Variants in MYO6 observed in about 807,000 individuals in gnomAD.
The protein encoded by MYO6 is unconventional myosin-VI.
A neutral mutation model predicts 178.7 loss-of-function variants in MYO6; 74 were observed. That is an observed-to-expected ratio of 0.41 (90% CI 0.34 to 0.50). The LOEUF (loss-of-function observed/expected upper bound fraction) is 0.50. MYO6 is among the 20% of genes least tolerant of loss of function. The probability of loss-of-function intolerance (pLI) is 0.09; values close to 1 mark genes in which losing one functional copy is unlikely to be tolerated. For synonymous variants in MYO6, 477 were observed against 504.6 expected (o/e 0.95, Z 0.73); for missense variants, 1,330 against 1,547.4 (o/e 0.86, Z 2.36).
rs950765065 is a variant in MYO6 at position 75,914,143 on chromosome 6, C to T, written c.3520C>T (p.Pro1174Ser). Reference sequence around the variant, plus strand: ...CCGACAGCAACGCTTCTTCCGCATCCCATTCATCCGCCCTGCCGACCAGTA... The same window carrying T: ...CCGACAGCAACGCTTCTTCCGCATCTCATTCATCCGCCCTGCCGACCAGTA... ...MNRQQRFFRIPFIRPADQYKD... is the reference protein window; with the variant it reads ...MNRQQRFFRISFIRPADQYKD... The change falls in exon 34 of 35, where the codon CCA (proline) becomes TCA (serine). Residue 1174 changes from proline to serine, a missense_variant. Pro to Ser is a moderately conservative substitution (Grantham distance 74). Coordinates refer to ENST00000369977, the MANE Select transcript of MYO6 (RefSeq NM_004999.4). The T allele has an allele frequency of 6.2e-7, 1 of 1,614,084 alleles. No homozygotes were observed. Among genetic ancestry groups the T allele is most frequent in the Admixed American group, 1.7e-5 (1 of 60,004 alleles).
At chr6:75,831,847 G>A (rs1456586375) in intron 5 of MYO6, among the ~76,000 whole-genome samples, 1 of 150,280 alleles carries the variant, frequency 6.7e-6, no homozygotes, top group Non-Finnish European at 1.5e-5. Context: ...GTGAAGTCAT[G>A]CCACTATACT....
At position 75,862,579 on chromosome 6, in the gene MYO6, T is replaced by C; in HGVS notation, c.1547-17T>C. On this transcript the variant is annotated splice_polypyrimidine_tract_variant and intron_variant, in intron 15 of 34. Transcript: ENST00000369977. Reference sequence around the variant, plus strand: ...ATGTTTTTACACTATTGTGAGTGTTTTCATTTTTTGAAATAGATTTAATTG... The same window carrying C: ...ATGTTTTTACACTATTGTGAGTGTTCTCATTTTTTGAAATAGATTTAATTG... The C allele has an allele frequency of 1.2e-6, 2 of 1,605,014 alleles. No homozygotes were observed. The highest frequency in any genetic ancestry group is 1.7e-6 in the Non-Finnish European group (2 of 1,171,950).
chr6:75,832,729 A>G (rs1444688866), intron 5 of MYO6, 113 bp from the exon 6 acceptor site: 2 of 678,646 alleles, frequency 2.9e-6, no homozygotes, highest in Admixed American at 2.3e-5. Flanking sequence ...TTTCATTAAC[A>G]TTGAATAGAC....
rs751224918 is a variant in MYO6, at chr6:75,879,842, G to A, written c.2100G>A (p.Leu700=). Residue 700 remains leucine (L), a synonymous_variant, in exon 21 of 35, where the codon TTG becomes TTA. Transcript: ENST00000369977. ...TAGGGATGGTGTCTGTTTTGGACTT[G>A]ATGCAGGGTGGTTACCCATCACGAG... The part of the protein sequence containing the change: ...QCSGMVSVLD[L]MQGGYPSRAS... 1.2e-6 allele frequency: 2 copies of A among 1,614,064 alleles called. No individual in the cohort carries two copies. The highest frequency in any genetic ancestry group is 2.2e-5 in the South Asian group (2 of 91,070).
chr6:75,800,654 A>G (rs1769359681), intron 1 of MYO6, among the ~76,000 whole-genome samples: 2 of 152,178 alleles, frequency 1.3e-5, no homozygotes, highest in South Asian at 4.1e-4. Context: ...AAGTAGTGAT[A>G]TTGAATAGGC....
At chr6:75,796,539 G>A (rs565733048) in intron 1 of MYO6, among the ~76,000 whole-genome samples, 1 of 152,102 alleles carries the variant, frequency 6.6e-6, no homozygotes, top group South Asian at 2.1e-4. Flanking sequence ...TCACTCAGGT[G>A]GTGAGGACAG....
intron 2 of MYO6, among the ~76,000 whole-genome samples, chr6:75,818,151 TATC>T (rs1243781322): frequency 6.6e-6 from 1 of 152,222 alleles, no homozygotes; most frequent in African/African-American, 2.4e-5. Context: ...AAATTATTGC[TATC>T]ATTTTTGTAA....
At position 75,914,189 on chromosome 6, in the gene MYO6, A is replaced by G; in HGVS notation, c.3566A>G (p.Lys1189Arg). Residue 1189 changes from lysine to arginine, a missense_variant, in exon 34 of 35, where the codon AAA becomes AGA. Lys to Arg is a conservative substitution (Grantham distance 26). Transcript: ENST00000369977. ...ADQYKDPQSK[K>R]KGWWYAHFDG... Reference sequence around the variant, plus strand: ...CAGTACAAAGACCCTCAGAGTAAGAAAAAAGGCTGGTGGTATGCCCATTTT... The same window carrying G: ...CAGTACAAAGACCCTCAGAGTAAGAGAAAAGGCTGGTGGTATGCCCATTTT... 6.2e-7 allele frequency: 1 copy of G among 1,614,166 alleles called. No homozygotes were observed. Among genetic ancestry groups the G allele is most frequent in the East Asian group, 2.2e-5 (1 of 44,882 alleles).
chr6:75,845,535 A>G (rs1356010347), intron 10 of MYO6, among the ~76,000 whole-genome samples: 1 of 152,006 alleles, frequency 6.6e-6, no homozygotes, highest in African/African-American at 2.4e-5. Context: ...TTTACAAAAA[A>G]TAAAAAAAAT....
chr6:75,815,667 C>G (rs1195201700), intron 1 of MYO6, among the ~76,000 whole-genome samples: 1 of 152,178 alleles, frequency 6.6e-6, no homozygotes, highest in Non-Finnish European at 1.5e-5. Context: ...CACTTTGTAG[C>G]CACTGCATAG....
At chr6:75,757,224 TATAC>T (rs375186634) in intron 1 of MYO6, among the ~76,000 whole-genome samples, 77 of 148,106 alleles carry the variant, frequency 5.2e-4, no homozygotes, top group African/African-American at 1.8e-3. Context: ...CATATATACA[TATAC>T]ATATATAGAC....
At position 75,857,098 on chromosome 6, in the gene MYO6, G is replaced by A. The variant is rs771000358; in HGVS notation, c.1225G>A (p.Val409Ile). The stretch of plus-strand genomic sequence containing the variant: ...TACTAGCATAGTTTTCTTTTATAGG[G>A]TACCTCTGAAAGTGGAGCAAGCAAA... ...AGGTKGTVIK[V>I]PLKVEQANNA... Residue 409 changes from valine (V) to isoleucine (I), a missense_variant and splice_region_variant, in exon 13 of 35, where the codon GTA becomes ATA. Transcript: ENST00000369977. The A allele has an allele frequency of 9.3e-6, 15 of 1,613,760 alleles. No homozygotes were observed. Among genetic ancestry groups the A allele is most frequent in the Non-Finnish European group, 1.3e-5 (15 of 1,179,830 alleles).
At chr6:75,807,639 A>C (rs960377572) in intron 1 of MYO6, among the ~76,000 whole-genome samples, 1 of 152,232 alleles carries the variant, frequency 6.6e-6, no homozygotes. Flanking sequence ...CGAGTCCATA[A>C]AGTGAAAGGA....
At chr6:75,900,556 G>A (rs1379667324) in intron 30 of MYO6, among the ~76,000 whole-genome samples, 20 of 152,200 alleles carry the variant, frequency 1.3e-4, no homozygotes, top group South Asian at 8.3e-4. Context: ...GTCTGTTCAT[G>A]TCCTTTGCCC....
chr6:75,769,550 G>A (rs1457558444), intron 1 of MYO6, among the ~76,000 whole-genome samples: 2 of 152,220 alleles, frequency 1.3e-5, no homozygotes, highest in Non-Finnish European at 2.9e-5. Flanking sequence ...GCACACTGGT[G>A]CAAGTCGTGG....
intron 30 of MYO6, among the ~76,000 whole-genome samples, chr6:75,899,699 A>C (rs1581952257): frequency 8.4e-6 from 1 of 118,512 alleles, no homozygotes; most frequent in Admixed American, 7.6e-5. Context: ...GCCACACATT[A>C]TTCTTTTTTT....
At position 75,909,272 on chromosome 6, in the gene MYO6, T is replaced by A. The variant is rs6903002; in HGVS notation, c.3412+645T>A. Among the ~76,000 whole-genome samples the A allele has an allele frequency of 4.0e-3, 615 of 152,320 alleles. 6 individuals carry two copies. The highest frequency in any genetic ancestry group is 0.014 in the African/African-American group (589 of 41,572). On this transcript the variant is annotated intron_variant, in intron 32 of 34. Transcript: ENST00000369977. Reference sequence around the variant, plus strand: ...TACCCAATATTGTTATCTTTTTTATTTGTAGGTATAAGTACTTTTCTGTTG... The same window carrying A: ...TACCCAATATTGTTATCTTTTTTATATGTAGGTATAAGTACTTTTCTGTTG...
chr6:75,756,484 G>A (rs969506304), intron 1 of MYO6, among the ~76,000 whole-genome samples: 9 of 151,980 alleles, frequency 5.9e-5, no homozygotes, highest in Non-Finnish European at 8.8e-5. Context: ...AGGTGCTCAC[G>A]ACCATGCCTG....
intron 1 of MYO6, among the ~76,000 whole-genome samples, chr6:75,755,609 G>C (rs1023553717): frequency 6.6e-6 from 1 of 152,138 alleles, no homozygotes; most frequent in Admixed American, 6.5e-5. Context: ...AAATGTTCTG[G>C]GGGAATTTTG....
Sources: gnomAD v4.1 joint callset for allele counts (sites outside exome capture counted in the v4.1 genomes callset) on GRCh38, gnomAD v4.1.1 for gene constraint, MANE v1.5 for transcripts, NCBI Gene and HGNC (gene_info 2026-07-23, HGNC 2026-07-21) for gene names.